SLCO1B1: variants seen among roughly 807,000 people sequenced by gnomAD.
The protein encoded by SLCO1B1 is OATP-2.
A neutral mutation model predicts 70.1 loss-of-function variants in SLCO1B1; 81 were observed. The ratio of observed to expected loss-of-function variants is 1.16; its 90% CI spans 0.97 to 1.39. The LOEUF (loss-of-function observed/expected upper bound fraction) is 1.39. Among genes scored for constraint, SLCO1B1 ranks in the 40% most tolerant of loss-of-function variants. The pLI, the probability that SLCO1B1 is intolerant of heterozygous loss-of-function variation, is 0.00. For missense variants in SLCO1B1, 895 were observed against 799.6 expected, an observed-to-expected ratio of 1.12 and a Z score of -1.44; for synonymous variants, 283 against 271.5, an observed-to-expected ratio of 1.04 and a Z score of -0.42.
chr12:21,209,207 C>T lies in SLCO1B1; in HGVS notation c.1497+3174C>T, dbSNP rs528419705. Among the ~76,000 whole-genome samples the T allele has an allele frequency of 3.2e-3, 484 of 151,928 alleles. 3 individuals are homozygous for T. The highest frequency in any genetic ancestry group is 0.011 in the African/African-American group (468 of 41,372). On this transcript the variant is annotated intron_variant, in intron 11 of 14. Transcript: ENST00000256958. ...ATATCTCCCAATGCTATCCCTCCCC[C>T]CTCCTCCCACCCCACAACAGTCCCC...
chr12:21,236,565 G>C (rs1941597549), intron 14 of SLCO1B1, among the ~76,000 whole-genome samples: 1 of 152,188 alleles, frequency 6.6e-6, no homozygotes, highest in Non-Finnish European at 1.5e-5. Context: ...CAAGAGGGCA[G>C]AGGAAATTCC....
At chr12:21,222,489 G>T in intron 13 of SLCO1B1, 125 bp downstream of exon 13, 1 of 223,560 alleles carries the variant, frequency 4.5e-6, no homozygotes, top group Non-Finnish European at 8.0e-6. Flanking sequence ...ATTAAAGACT[G>T]TAATGAATCT....
chr12:21,155,686 G>A (rs1240776619), intron 2 of SLCO1B1, among the ~76,000 whole-genome samples: 1 of 152,120 alleles, frequency 6.6e-6, no homozygotes, highest in East Asian at 1.9e-4. Flanking sequence ...AAAAGGGGAG[G>A]GAAATGAGCC....
intron 7 of SLCO1B1, among the ~76,000 whole-genome samples, chr12:21,183,974 T>A (rs1045307298): frequency 1.3e-5 from 2 of 150,510 alleles, no homozygotes; most frequent in Non-Finnish European, 3.0e-5. Flanking sequence ...CAACAGAACA[T>A]ACCAAAGAGA....
intron 7 of SLCO1B1, among the ~76,000 whole-genome samples, chr12:21,179,989 T>A (rs1157931030): frequency 6.6e-6 from 1 of 152,154 alleles, no homozygotes; most frequent in African/African-American, 2.4e-5. Flanking sequence ...AAATCCAGTA[T>A]AATCTGCTTC....
At chr12:21,147,906 C>A (rs1273078485) in intron 2 of SLCO1B1, among the ~76,000 whole-genome samples, 4 of 152,204 alleles carry the variant, frequency 2.6e-5, no homozygotes, top group Non-Finnish European at 5.9e-5. Flanking sequence ...TCGCTTCCAA[C>A]TGGCGTGAGA....
At chr12:21,237,559 G>A (rs910362467) in intron 14 of SLCO1B1, among the ~76,000 whole-genome samples, 16 of 151,924 alleles carry the variant, frequency 1.1e-4, no homozygotes, top group South Asian at 4.1e-4. Context: ...ACACCTACAC[G>A]TAGTTTTTCT....
At chr12:21,143,502 T>C (rs1940340422) in intron 2 of SLCO1B1, among the ~76,000 whole-genome samples, 1 of 152,028 alleles carries the variant, frequency 6.6e-6, no homozygotes, top group Non-Finnish European at 1.5e-5. Flanking sequence ...ATGCCAGACA[T>C]TGATTTAGTG....
rs1941626054 is a variant in SLCO1B1, at chr12:21,239,355, G to C, written c.*166G>C. ...GAACTTATAATAAAACAAACTGTAG[G>C]TAGAAAAAATGAGAGTACTCATTGT... On this transcript the variant is annotated 3_prime_UTR_variant, in exon 15 of 15. Transcript: ENST00000256958. The C allele has an allele frequency of 1.7e-5, 11 of 631,260 alleles. No homozygotes were observed. The South Asian group carries it at 2.0e-4, about 11-fold the overall frequency. 39.1% of individuals were successfully genotyped at this position (631,260 alleles called of 1,614,324 possible). A position where few individuals can be genotyped will look rare whatever the true frequency, so the allele number is the denominator to read the frequency against.
intron 2 of SLCO1B1, among the ~76,000 whole-genome samples, chr12:21,158,811 G>A (rs1212607427): frequency 6.6e-6 from 1 of 151,752 alleles, no homozygotes; most frequent in African/African-American, 2.4e-5. Flanking sequence ...TGGATCTTGG[G>A]TGTTGTAGTA....
chr12:21,146,697 G>A (rs959306273), intron 2 of SLCO1B1, among the ~76,000 whole-genome samples: 1 of 151,728 alleles, frequency 6.6e-6, no homozygotes, highest in African/African-American at 2.4e-5. Context: ...TGACTCATAA[G>A]TTACTTAAAA....
At chr12:21,152,533 C>T (rs201368410) in intron 2 of SLCO1B1, among the ~76,000 whole-genome samples, 511 of 34,272 alleles carry the variant, frequency 0.015, 7 homozygotes, top group South Asian at 0.025. Flanking sequence ...AGAGGAGAGG[C>T]TTTTTTTTTT....
At chr12:21,233,029 C>G (rs1941557788) in intron 14 of SLCO1B1, among the ~76,000 whole-genome samples, 1 of 152,194 alleles carries the variant, frequency 6.6e-6, no homozygotes, top group East Asian at 1.9e-4. Flanking sequence ...TTTTCCACCC[C>G]AGCCTAGCAA....
At chr12:21,207,093 C>T (rs1257991509) in intron 11 of SLCO1B1, among the ~76,000 whole-genome samples, 2 of 151,886 alleles carry the variant, frequency 1.3e-5, no homozygotes, top group Admixed American at 6.6e-5. Flanking sequence ...CAGTTGTTTC[C>T]TTTTCCTTTG....
At chr12:21,238,473 T>G (rs1941616375) in intron 14 of SLCO1B1, among the ~76,000 whole-genome samples, 1 of 151,636 alleles carries the variant, frequency 6.6e-6, no homozygotes, top group African/African-American at 2.4e-5. Flanking sequence ...CAATCTATGT[T>G]TTTTTTTTCA....
intron 14 of SLCO1B1, among the ~76,000 whole-genome samples, chr12:21,236,198 C>T (rs1941594443): frequency 6.6e-6 from 1 of 152,132 alleles, no homozygotes; most frequent in Admixed American, 6.6e-5. Context: ...GTGCTGTGCC[C>T]ATGTTCTCTT....
chr12:21,214,060 C>T (rs1941323650), intron 11 of SLCO1B1, among the ~76,000 whole-genome samples: 1 of 152,198 alleles, frequency 6.6e-6, no homozygotes, highest in South Asian at 2.1e-4. Context: ...CTTCTCTCAG[C>T]TCGTCAAAGT....
chr12:21,163,241 A>T (rs1346846682), intron 2 of SLCO1B1, among the ~76,000 whole-genome samples: 1 of 152,030 alleles, frequency 6.6e-6, no homozygotes, highest in African/African-American at 2.4e-5. Context: ...TTCATTCACT[A>T]TGACATTGTT....
At chr12:21,187,929 T>C (rs35928112) in intron 7 of SLCO1B1, among the ~76,000 whole-genome samples, 18,489 of 152,090 alleles carry the variant, frequency 0.12, 1,478 homozygotes, top group Non-Finnish European at 0.18. Context: ...TGCGAACTAG[T>C]GTCAGATGAT....
Sources: allele counts gnomAD v4.1 joint callset (sites outside exome capture counted in the v4.1 genomes callset), GRCh38; gene constraint gnomAD v4.1.1; transcripts MANE v1.5; gene names NCBI Gene and HGNC (gene_info 2026-07-23, HGNC 2026-07-21).